Variants in SEMA3A observed in about 807,000 individuals in gnomAD.
SEMA3A encodes the protein semaphorin-3A.
Under a neutral mutation model 97.9 loss-of-function variants are expected in SEMA3A, and 29 were observed. That is an observed-to-expected ratio of 0.30 (90% CI 0.22 to 0.40). The LOEUF (loss-of-function observed/expected upper bound fraction) is 0.40, where lower values mean the gene tolerates loss of function less well. Among genes scored for constraint, SEMA3A ranks in the 10% least tolerant of loss-of-function variants. The pLI is 1.00. For synonymous variants in SEMA3A, 321 were observed against 323.7 expected, an observed-to-expected ratio of 0.99 and a Z score of 0.09; for missense variants, 763 against 951.3, an observed-to-expected ratio of 0.80 and a Z score of 2.60.
At chr7:84,068,112 T>C (rs557157445) in intron 4 of SEMA3A, among the ~76,000 whole-genome samples, 6 of 131,710 alleles carry the variant, frequency 4.6e-5, no homozygotes, top group South Asian at 2.7e-4. Flanking sequence ...GATGAGTTCA[T>C]GTCCTTTGTA....
At chr7:84,194,797 A>T, upstream of SEMA3A, 25 of 108,098 alleles carry the variant, frequency 2.3e-4, no homozygotes, top group East Asian at 1.4e-3. Flanking sequence ...CTCCAAAAAG[A>T]AAAAAAAAAA....
intron 3 of SEMA3A, among the ~76,000 whole-genome samples, chr7:84,302,104 T>A (rs1801032040): frequency 6.6e-6 from 1 of 151,858 alleles, no homozygotes; most frequent in Non-Finnish European, 1.5e-5. Flanking sequence ...CATTCAGTAA[T>A]AAAAAAAATC....
intron 3 of SEMA3A, among the ~76,000 whole-genome samples, chr7:84,298,241 C>A (rs1297449339): frequency 2.0e-5 from 3 of 151,926 alleles, no homozygotes; most frequent in Non-Finnish European, 2.9e-5. Flanking sequence ...GTTAAATAAA[C>A]CTATGAAAAT....
At chr7:84,413,681 G>GTGT (rs1402206634) in intron 1 of SEMA3A, among the ~76,000 whole-genome samples, 1 of 152,022 alleles carries the variant, frequency 6.6e-6, no homozygotes, top group African/African-American at 2.4e-5. Context: ...AGTAGTAGTA[G>GTGT]TAGAAGTAAA....
rs1206547113 is a variant in SEMA3A, at chr7:83,977,143, T to A, written c.1706A>T (p.Asp569Val). The A allele has an allele frequency of 6.3e-7, 1 of 1,579,428 alleles. No homozygotes were observed. The highest frequency in any genetic ancestry group is 2.3e-5 in the East Asian group (1 of 43,152). ...AAAATGTGACTTACCATGGTGTAAG[T>A]CTGAACAGTGAGTCAGTGGGTCTCC... ...RNGDPLTHCS[D>V]LHHDNHHGHS... Residue 569 changes from aspartate to valine, a missense_variant, in exon 15 of 17, where the codon GAC becomes GTC. By Grantham distance (152) the Asp-to-Val change is radical. Around this residue, in one of 2 missense-constraint regions of SEMA3A, gnomAD observed 678 missense variants for 881.3 expected, o/e 0.77. Coordinates refer to ENST00000265362, the MANE Select transcript of SEMA3A (RefSeq NM_006080.3).
chr7:84,420,689 C>A (rs554291256), intron 1 of SEMA3A, among the ~76,000 whole-genome samples: 7 of 151,930 alleles, frequency 4.6e-5, no homozygotes, highest in Non-Finnish European at 1.0e-4. Context: ...ACAAGCATAT[C>A]ATTTAAAGTC....
At chr7:84,426,251 T>C (rs1337430234) in intron 1 of SEMA3A, among the ~76,000 whole-genome samples, 3 of 149,400 alleles carry the variant, frequency 2.0e-5, no homozygotes, top group South Asian at 2.1e-4. Flanking sequence ...AGATAGATGA[T>C]AGAGAGATAG....
Position 84,134,909 on chromosome 7 carries a change from G to A in SEMA3A, c.155C>T (p.Ala52Val), listed in dbSNP as rs778113837. The change falls in exon 2 of 17, where the codon GCC (alanine) becomes GTC (valine). Residue 52 changes from alanine to valine, a missense_variant. Ala to Val is a moderately conservative substitution (Grantham distance 64, BLOSUM62 0). Coordinates refer to ENST00000265362, the MANE Select transcript of SEMA3A (RefSeq NM_006080.3). ...GAAGGTATGATAACTGGAGCTGTTG[G>A]CCAAGCCATTGAAAGTGATCACATT... The part of the protein sequence containing the change: ...SNNVITFNGL[A>V]NSSSYHTFLL... 6.2e-7 allele frequency: 1 copy of A among 1,613,758 alleles called. No homozygotes were observed. The highest frequency in any genetic ancestry group is 1.1e-5 in the South Asian group (1 of 91,026).
chr7:84,400,336 C>T (rs2116207189), intron 1 of SEMA3A, among the ~76,000 whole-genome samples: 1 of 152,214 alleles, frequency 6.6e-6, no homozygotes, highest in East Asian at 1.9e-4. Flanking sequence ...CATGTGATCC[C>T]TTACCCAGAG....
intron 4 of SEMA3A, among the ~76,000 whole-genome samples, chr7:84,081,398 C>T (rs1055304535): frequency 2.6e-5 from 4 of 151,970 alleles, no homozygotes; most frequent in Non-Finnish European, 5.9e-5. Context: ...CAAGACCACC[C>T]TGGCTAACAC....
chr7:84,469,272 C>G (rs992193275), intron 1 of SEMA3A, among the ~76,000 whole-genome samples: 5 of 152,080 alleles, frequency 3.3e-5, no homozygotes, highest in African/African-American at 1.2e-4. Context: ...CAACTGTAAC[C>G]CTGTATAAGC....
At chr7:84,198,139 G>C (rs1798279889), upstream of SEMA3A, among the ~76,000 whole-genome samples, 3 of 152,086 alleles carry the variant, frequency 2.0e-5, no homozygotes, top group Admixed American at 2.0e-4. Context: ...TTATTTTACT[G>C]TATCACTTAC....
chr7:84,437,618 T>G (rs1478969542), intron 1 of SEMA3A, among the ~76,000 whole-genome samples: 2 of 151,664 alleles, frequency 1.3e-5, no homozygotes, highest in East Asian at 3.9e-4. Flanking sequence ...GAAAAACATT[T>G]AAGGAAAGAT....
intron 1 of SEMA3A, among the ~76,000 whole-genome samples, chr7:84,479,008 T>C (rs1053130564): frequency 6.6e-6 from 1 of 152,180 alleles, no homozygotes; most frequent in African/African-American, 2.4e-5. Flanking sequence ...TCAAAACAAT[T>C]TCCCAATTTC....
chr7:84,205,572 T>TGTCAA (rs1798471303), intron 3 of SEMA3A, among the ~76,000 whole-genome samples: 3 of 152,318 alleles, frequency 2.0e-5, no homozygotes, highest in Admixed American at 6.5e-5. Flanking sequence ...ATATTTATTT[T>TGTCAA]TTCATAATAA....
At chr7:83,989,655 T>C (rs1243328344) in intron 12 of SEMA3A, among the ~76,000 whole-genome samples, 1 of 127,786 alleles carries the variant, frequency 7.8e-6, no homozygotes, top group Non-Finnish European at 1.6e-5. Flanking sequence ...ACTCATCATT[T>C]TTTATGGCTG....
intron 3 of SEMA3A, among the ~76,000 whole-genome samples, chr7:84,244,749 C>T (rs1271890281): frequency 6.6e-6 from 1 of 152,054 alleles, no homozygotes; most frequent in Non-Finnish European, 1.5e-5. Context: ...ATATTTAGTG[C>T]TTCCTTCAGG....
rs544425962 is a variant in SEMA3A, at chr7:84,026,521, T to C, written c.668-12170A>G. Among the ~76,000 whole-genome samples the C allele has an allele frequency of 1.4e-4, 22 of 152,302 alleles. 1 individual carries two copies. Among genetic ancestry groups the C allele is most frequent in the Admixed American group, 1.2e-3 (18 of 15,298 alleles). Reference sequence around the variant, plus strand: ...TATATACCAAGAAGAATATAAATCATTGTACCATAAAGACACATGCACATG... The same window carrying C: ...TATATACCAAGAAGAATATAAATCACTGTACCATAAAGACACATGCACATG... On this transcript the variant is annotated intron_variant, in intron 6 of 16. Transcript: ENST00000265362.
At chr7:84,024,154 C>A (rs1791453218) in intron 6 of SEMA3A, among the ~76,000 whole-genome samples, 1 of 152,144 alleles carries the variant, frequency 6.6e-6, no homozygotes, top group South Asian at 2.1e-4. Flanking sequence ...GTATTTCCTT[C>A]ACTGTACTTA....
Sources: allele counts gnomAD v4.1 joint callset (sites outside exome capture counted in the v4.1 genomes callset), GRCh38; gene constraint gnomAD v4.1.1; regional missense constraint gnomAD v4.1.1; transcripts MANE v1.5; gene names NCBI Gene and HGNC (gene_info 2026-07-23, HGNC 2026-07-21).